PCDHGA10: variants seen among roughly 807,000 people sequenced by gnomAD.
PCDHGA10 encodes protocadherin gamma subfamily A, 10, also known as protocadherin gamma-A10.
A neutral mutation model predicts 59.5 loss-of-function variants in PCDHGA10; 42 were observed. The observed-to-expected ratio is 0.71, with a 90% CI of 0.55 to 0.91. The LOEUF (loss-of-function observed/expected upper bound fraction) is 0.91. PCDHGA10 is among the 40% of genes least tolerant of loss of function. The probability of loss-of-function intolerance (pLI) is 0.00; values close to 1 mark genes in which losing one functional copy is unlikely to be tolerated. For synonymous variants in PCDHGA10, 511 were observed against 517.2 expected, an observed-to-expected ratio of 0.99 and a Z score of 0.16; for missense variants, 1,111 against 1,198.2, an observed-to-expected ratio of 0.93 and a Z score of 1.07.
At chr5:141,509,081 A>G (rs1279221589) in intron 3 of PCDHGA10, among the ~76,000 whole-genome samples, 1 of 152,160 alleles carries the variant, frequency 6.6e-6, no homozygotes, top group African/African-American at 2.4e-5. Flanking sequence ...GATTTGCGAC[A>G]TGAAATGGGG....
intron 1 of PCDHGA10, among the ~76,000 whole-genome samples, chr5:141,425,427 A>G (rs925551543): frequency 2.2e-4 from 33 of 152,362 alleles, no homozygotes; most frequent in Non-Finnish European, 4.1e-4. Flanking sequence ...GTCCCATTAA[A>G]TAGAGGATAA....
intron 1 of PCDHGA10, among the ~76,000 whole-genome samples, chr5:141,425,105 G>C (rs1227234896): frequency 2.0e-5 from 3 of 152,236 alleles, no homozygotes; most frequent in African/African-American, 7.2e-5. Flanking sequence ...TCCAACAGAT[G>C]CCTACATTTT....
At chr5:141,483,258 T>G (rs2099579023) in intron 1 of PCDHGA10, among the ~76,000 whole-genome samples, 1 of 137,930 alleles carries the variant, frequency 7.3e-6, no homozygotes, top group South Asian at 2.1e-4. Flanking sequence ...TCATGAGGTT[T>G]TTTTGTTTTA....
At chr5:141,501,871 C>T (rs562714939) in intron 2 of PCDHGA10, among the ~76,000 whole-genome samples, 3 of 152,244 alleles carry the variant, frequency 2.0e-5, no homozygotes, top group African/African-American at 7.2e-5. Context: ...CAGGACGCCT[C>T]CTTACACTCC....
rs779673406 is a variant in PCDHGA10, at chr5:141,413,721, C to A, written c.546C>A (p.Phe182Leu). Reference sequence around the variant, plus strand: ...ATCAGCTCAGCCCCAATAAGCACTTCTCCCTAAGAGTTCAGAGCCGTGCCA... The same window carrying A: ...ATCAGCTCAGCCCCAATAAGCACTTATCCCTAAGAGTTCAGAGCCGTGCCA... ...QSYQLSPNKH[F>L]SLRVQSRANG... Residue 182 changes from phenylalanine to leucine, a missense_variant, in exon 1 of 4, where the codon TTC (phenylalanine) becomes TTA (leucine). Physicochemically the swap from Phe to Leu is conservative, Grantham distance 22. Transcript: ENST00000398610. 1 of 1,613,592 alleles carries A rather than the reference C, an allele frequency of 6.2e-7. No individual in the cohort carries two copies.
In PCDHGA10 at chr5:141,432,690, T is replaced by A. The variant is rs764124373; in HGVS notation, c.2436+17079T>A. 5.0e-6 allele frequency: 8 copies of A among 1,613,854 alleles called. No individual in the cohort carries two copies. The highest frequency in any genetic ancestry group is 2.7e-5 in the African/African-American group (2 of 74,940). ...GACGCGCTCAAGCAGAGCCTCGTAGTGGCCGTCCAGGACCACGGCCAGCCC... is the reference window on the plus strand; with the variant it reads ...GACGCGCTCAAGCAGAGCCTCGTAGAGGCCGTCCAGGACCACGGCCAGCCC... On this transcript the variant is annotated intron_variant, in intron 1 of 3. Coordinates refer to ENST00000398610, the MANE Select transcript of PCDHGA10 (RefSeq NM_018913.3). This position sits in a 1 kb window ranked among gnomAD's most constrained non-coding sequence, Gnocchi z 6.0.
intron 1 of PCDHGA10, among the ~76,000 whole-genome samples, chr5:141,492,221 G>C (rs62379206): frequency 0.18 from 27,189 of 152,134 alleles, 2,633 homozygotes; most frequent in Admixed American, 0.28. Context: ...GGGCTCATGC[G>C]TGTCCTCCCT....
At chr5:141,465,775 T>TA (rs2099108994) in intron 1 of PCDHGA10, among the ~76,000 whole-genome samples, 1 of 152,030 alleles carries the variant, frequency 6.6e-6, no homozygotes, top group African/African-American at 2.4e-5. Context: ...CATCTCTTGT[T>TA]ACAGTTTTTT....
rs1188941232 is a variant in PCDHGA10, at chr5:141,512,270, G to A, written c.*1097G>A. ...TCTGTGGGTGCTGGGTACTCCAGAG[G>A]TGCCACTGGTGGAAGGGTCAGCGGA... On this transcript the variant is annotated 3_prime_UTR_variant, in exon 4 of 4. Coordinates refer to ENST00000398610, the MANE Select transcript of PCDHGA10 (RefSeq NM_018913.3). The A allele has an allele frequency of 1.3e-5, 2 of 152,714 alleles. No individual in the cohort carries two copies. The highest frequency in any genetic ancestry group is 2.9e-5 in the Non-Finnish European group (2 of 68,100). The allele number at this position is 152,714 out of a possible 1,614,324, so 9.5% of individuals were successfully genotyped here.
intron 1 of PCDHGA10, among the ~76,000 whole-genome samples, chr5:141,494,328 G>T (rs1595238527): frequency 6.6e-6 from 1 of 152,200 alleles, no homozygotes; most frequent in Non-Finnish European, 1.5e-5. Flanking sequence ...CACCAAAAGG[G>T]TTACCAAGAA....
intron 1 of PCDHGA10, among the ~76,000 whole-genome samples, chr5:141,453,864 G>A (rs758778743): frequency 2.6e-5 from 4 of 152,192 alleles, no homozygotes; most frequent in Non-Finnish European, 5.9e-5. Context: ...GAAAATAACA[G>A]ATGAGCAAAA....
Position 141,431,655 on chromosome 5 carries a change from G to A in PCDHGA10, c.2436+16044G>A, listed in dbSNP as rs199998405. On this transcript the variant is annotated intron_variant, in intron 1 of 3. Transcript: ENST00000398610. This position sits in a 1 kb window ranked among gnomAD's most constrained non-coding sequence, Gnocchi z 4.8. Reference sequence around the variant, plus strand: ...GTTTTCAAACTAGATTGTAATTCAGGGACAATATCAACAATAGGGGAGTTG... The same window carrying A: ...GTTTTCAAACTAGATTGTAATTCAGAGACAATATCAACAATAGGGGAGTTG... 52 of 1,614,208 alleles carry A rather than the reference G, an allele frequency of 3.2e-5. No individual in the cohort carries two copies. The highest frequency in any genetic ancestry group is 3.3e-4 in the Middle Eastern group (2 of 6,062).
intron 1 of PCDHGA10, chr5:141,421,700 C>G: frequency 6.2e-7 from 1 of 1,613,900 alleles, no homozygotes; most frequent in Non-Finnish European, 8.5e-7. Context: ...CTTCCTAATG[C>G]TAGGGATCCA....
intron 1 of PCDHGA10, among the ~76,000 whole-genome samples, chr5:141,450,829 A>ATTATTT (rs1554136902): frequency 7.4e-6 from 1 of 135,144 alleles, no homozygotes; most frequent in Admixed American, 7.6e-5. Context: ...TATTATTATT[A>ATTATTT]TTTTTTTTTT....
At chr5:141,480,828 TAAGATC>T (rs1054950452) in intron 1 of PCDHGA10, among the ~76,000 whole-genome samples, 22 of 152,260 alleles carry the variant, frequency 1.4e-4, no homozygotes, top group African/African-American at 5.1e-4. Context: ...GGGTGGATCA[TAAGATC>T]AGGAGTTTGA....
intron 1 of PCDHGA10, among the ~76,000 whole-genome samples, chr5:141,456,059 G>A (rs1200043527): frequency 1.3e-5 from 2 of 151,662 alleles, no homozygotes; most frequent in Non-Finnish European, 1.5e-5. Flanking sequence ...CACCACGTCC[G>A]GCTAATTTTT....
At chr5:141,421,267 C>A in intron 1 of PCDHGA10, 1 of 1,611,374 alleles carries the variant, frequency 6.2e-7, no homozygotes, top group South Asian at 1.1e-5. Flanking sequence ...CAGTCGGCTG[C>A]TGCTGCTGCT....
In PCDHGA10 at chr5:141,490,745, C is replaced by T. The variant is rs769031787; in HGVS notation, c.2437-4062C>T. 22 of 1,614,120 alleles carry T rather than the reference C, an allele frequency of 1.4e-5. No individual in the cohort carries two copies. Among genetic ancestry groups the T allele is most frequent in the Non-Finnish European group, 1.9e-5 (22 of 1,180,050 alleles). On this transcript the variant is annotated intron_variant, in intron 1 of 3. Transcript: ENST00000398610. The surrounding 1 kb of genome is among the most constrained non-coding windows in gnomAD (Gnocchi z 5.4). Reference sequence around the variant, plus strand: ...GTAGGAAATCAGGTTCAGGGAGCCCCAGCCTCCTCCTTTGTGTATGTCAAC... The same window carrying T: ...GTAGGAAATCAGGTTCAGGGAGCCCTAGCCTCCTCCTTTGTGTATGTCAAC...
intron 1 of PCDHGA10, among the ~76,000 whole-genome samples, chr5:141,482,141 A>C (rs1302783884): frequency 6.6e-6 from 1 of 152,116 alleles, no homozygotes; most frequent in African/African-American, 2.4e-5. Flanking sequence ...GCTGGCATAA[A>C]AAGGTCAAGT....
Sources: allele counts gnomAD v4.1 joint callset (sites outside exome capture counted in the v4.1 genomes callset), GRCh38; gene constraint gnomAD v4.1.1; non-coding constraint Gnocchi (gnomAD v3.1); transcripts MANE v1.5; gene names NCBI Gene and HGNC (gene_info 2026-07-23, HGNC 2026-07-21).